Variants in CHD6 observed in about 807,000 individuals in gnomAD.
The protein encoded by CHD6 is chromodomain helicase DNA binding protein 6.
In CHD6, 50 loss-of-function variants were observed where a neutral mutation model predicts 276.9. The observed-to-expected ratio is 0.18, with a 90% CI of 0.14 to 0.23. The LOEUF is 0.23. CHD6 is among the 10% of genes least tolerant of loss of function. CHD6 has a pLI of 1.00. For synonymous variants in CHD6, 1,173 were observed against 1,229.3 expected, an observed-to-expected ratio of 0.95 and a Z score of 0.96; for missense variants, 2,564 against 3,365.8, an observed-to-expected ratio of 0.76 and a Z score of 5.89.
intron 1 of CHD6, among the ~76,000 whole-genome samples, chr20:41,593,630 T>C (rs2045687233): frequency 6.6e-6 from 1 of 152,200 alleles, no homozygotes; most frequent in African/African-American, 2.4e-5. Flanking sequence ...GACCCCCAAA[T>C]TCATATGCTG....
intron 31 of CHD6, among the ~76,000 whole-genome samples, chr20:41,418,603 A>T (rs969556872): frequency 4.6e-5 from 7 of 151,052 alleles, no homozygotes; most frequent in South Asian, 2.1e-4. Flanking sequence ...TTTTTTTTTT[A>T]AAAGCAAAAT....
At chr20:41,523,043 T>C (rs1186480923) in intron 3 of CHD6, among the ~76,000 whole-genome samples, 2 of 152,170 alleles carry the variant, frequency 1.3e-5, no homozygotes, top group African/African-American at 4.8e-5. Context: ...TGGGCAGCCA[T>C]GATTCCAGCC....
At chr20:41,555,009 G>T (rs1258926068) in intron 1 of CHD6, among the ~76,000 whole-genome samples, 1 of 150,508 alleles carries the variant, frequency 6.6e-6, no homozygotes, top group African/African-American at 2.4e-5. Context: ...CGGGCGGGGG[G>T]CTGACCCCCC....
intron 1 of CHD6, among the ~76,000 whole-genome samples, chr20:41,592,267 A>G (rs116652098): frequency 6.6e-6 from 1 of 152,120 alleles, no homozygotes; most frequent in Non-Finnish European, 1.5e-5. Flanking sequence ...TCTTTTTTTT[A>G]AAAAAAGGAC....
chr20:41,532,430 CTG>C (rs1369124460), intron 3 of CHD6, among the ~76,000 whole-genome samples: 1 of 152,212 alleles, frequency 6.6e-6, no homozygotes, highest in African/African-American at 2.4e-5. Context: ...ATTCCCGTGA[CTG>C]TGCATCCTCC....
intron 1 of CHD6, among the ~76,000 whole-genome samples, chr20:41,578,692 C>CAAAA (rs11471711): frequency 1.9e-5 from 2 of 104,924 alleles, no homozygotes; most frequent in African/African-American, 3.2e-5. Context: ...GACTCCGTCT[C>CAAAA]AAAAAAAAAA....
In CHD6 at chr20:41,413,533, G is replaced by A. The variant is rs1174463259; in HGVS notation, c.6940-18C>T. 32 of 1,509,192 alleles carry A rather than the reference G, an allele frequency of 2.1e-5. No individual in the cohort carries two copies. Among genetic ancestry groups the A allele is most frequent in the Non-Finnish European group, 2.5e-5 (28 of 1,125,080 alleles). 93.5% of individuals were successfully genotyped at this position (1,509,192 alleles called of 1,614,324 possible). A position where few individuals can be genotyped will look rare whatever the true frequency, so the allele number is the denominator to read the frequency against. ...TGGACTTCCTGGATGAAGGAAAAACGAGTATGTATAATCACGACACAATGA... is the reference window on the plus strand; with the variant it reads ...TGGACTTCCTGGATGAAGGAAAAACAAGTATGTATAATCACGACACAATGA... On this transcript the variant is annotated intron_variant, in intron 34 of 36. Coordinates refer to ENST00000373233, the MANE Select transcript of CHD6 (RefSeq NM_032221.5).
Position 41,450,966 on chromosome 20 carries a change from G to A in CHD6, c.3663C>T (p.His1221=), listed in dbSNP as rs1342425901. Residue 1221 remains histidine (H), a synonymous_variant, in exon 23 of 37, where the codon CAC becomes CAT. Transcript: ENST00000373233. ...VVLHDDGYKK[H]LKQHCNKVLL... ...CTCACTTGTTGCAGTGCTGTTTGAG[G>A]TGTTTCTTATAGCCATCATCATGCA... 6.2e-7 allele frequency: 1 copy of A among 1,613,408 alleles called. No individual in the cohort carries two copies. The highest frequency in any genetic ancestry group is 8.5e-7 in the Non-Finnish European group (1 of 1,179,630).
At chr20:41,528,113 A>G (rs1331910526) in intron 3 of CHD6, among the ~76,000 whole-genome samples, 1 of 152,322 alleles carries the variant, frequency 6.6e-6, no homozygotes, top group African/African-American at 2.4e-5. Context: ...CAGTTCCCTA[A>G]TAAGAAATTT....
chr20:41,458,453 C>T lies in CHD6; in HGVS notation c.2665-1025G>A, dbSNP rs111545683. Among the ~76,000 whole-genome samples the T allele has an allele frequency of 6.6e-5, 10 of 152,300 alleles. 1 individual carries two copies. The highest frequency in any genetic ancestry group is 2.4e-4 in the African/African-American group (10 of 41,546). Reference sequence around the variant, plus strand: ...GCTCATGGGAGCCTCTCTAAGTTGGCTCCTGAGTTCCTTCAACATGACCTA... The same window carrying T: ...GCTCATGGGAGCCTCTCTAAGTTGGTTCCTGAGTTCCTTCAACATGACCTA... On this transcript the variant is annotated intron_variant, in intron 17 of 36. Coordinates refer to ENST00000373233, the MANE Select transcript of CHD6 (RefSeq NM_032221.5).
intron 1 of CHD6, among the ~76,000 whole-genome samples, chr20:41,571,290 G>C (rs1225677128): frequency 6.6e-6 from 1 of 151,872 alleles, no homozygotes; most frequent in African/African-American, 2.4e-5. Flanking sequence ...TTAAAGTCTT[G>C]GTAAGAAGAA....
chr20:41,520,608 G>A (rs1237295085), intron 3 of CHD6, among the ~76,000 whole-genome samples: 3 of 147,078 alleles, frequency 2.0e-5, no homozygotes, highest in East Asian at 2.1e-4. Flanking sequence ...CTCATAGGTG[G>A]GAACTGAACA....
chr20:41,517,195 G>T (rs2044273181), intron 3 of CHD6, among the ~76,000 whole-genome samples: 1 of 152,120 alleles, frequency 6.6e-6, no homozygotes, highest in Non-Finnish European at 1.5e-5. Context: ...ACCAAATACT[G>T]CATGTTCTCA....
intron 17 of CHD6, among the ~76,000 whole-genome samples, chr20:41,457,890 C>T (rs2048425331): frequency 1.3e-5 from 2 of 152,094 alleles, no homozygotes; most frequent in Non-Finnish European, 2.9e-5. Context: ...TTTATTTTTA[C>T]CACACTCCAC....
At chr20:41,606,908 A>G (rs2045835909) in intron 1 of CHD6, among the ~76,000 whole-genome samples, 1 of 152,186 alleles carries the variant, frequency 6.6e-6, no homozygotes, top group African/African-American at 2.4e-5. Context: ...AATACACAAC[A>G]AAGTTTGAGC....
At chr20:41,415,078 C>T in intron 34 of CHD6, 108 bp downstream of exon 34, 1 of 1,489,426 alleles carries the variant, frequency 6.7e-7, no homozygotes, top group Non-Finnish European at 9.0e-7. Flanking sequence ...AGCAGGACAA[C>T]CGAAATAGAG....
intron 17 of CHD6, among the ~76,000 whole-genome samples, chr20:41,470,354 T>A (rs569477425): frequency 6.2e-4 from 89 of 144,558 alleles, no homozygotes; most frequent in African/African-American, 1.9e-3. Context: ...GGCTAGACTT[T>A]AAAAAAAAAA....
chr20:41,528,251 T>G (rs2044591980), intron 3 of CHD6, among the ~76,000 whole-genome samples: 1 of 152,114 alleles, frequency 6.6e-6, no homozygotes, highest in South Asian at 2.1e-4. Context: ...TTATTAACAT[T>G]TCATGACCCT....
At chr20:41,508,099 T>C (rs2044019771) in intron 5 of CHD6, among the ~76,000 whole-genome samples, 3 of 152,144 alleles carry the variant, frequency 2.0e-5, no homozygotes, top group African/African-American at 7.2e-5. Context: ...GAAAACAGCA[T>C]GGATTTCACA....
Sources: allele counts gnomAD v4.1 joint callset (sites outside exome capture counted in the v4.1 genomes callset), GRCh38; gene constraint gnomAD v4.1.1; transcripts MANE v1.5; gene names NCBI Gene and HGNC (gene_info 2026-07-23, HGNC 2026-07-21).